The following SDHC variants were observed in gnomAD, a reference collection of about 807,000 sequenced individuals.
SDHC encodes succinate dehydrogenase cytochrome b560 subunit, mitochondrial.
SDHC carries 11 observed loss-of-function variants against 22.6 expected under a neutral mutation model. The observed-to-expected ratio is 0.49, with a 90% CI of 0.31 to 0.81. The LOEUF is 0.81. Among genes scored for constraint, SDHC ranks in the 30% least tolerant of loss-of-function variants. The pLI, the probability that SDHC is intolerant of heterozygous loss-of-function variation, is 0.05. For synonymous variants in SDHC, 80 were observed against 77.8 expected (o/e 1.03, Z -0.15); for missense variants, 160 against 212.0 (o/e 0.75, Z 1.52).
rs566109773 is a variant in SDHC, at chr1:161,325,367, A to G, written c.77+1697A>G. The stretch of plus-strand genomic sequence containing the variant: ...AATAAATAAATAAATAAATAAATAA[A>G]TAAGAAACAGCTATCCTCAACAATT... On this transcript the variant is annotated intron_variant, in intron 2 of 5. Transcript: ENST00000367975. Among the ~76,000 whole-genome samples, 41 of 136,706 alleles carry G rather than the reference A, an allele frequency of 3.0e-4. No homozygotes were observed. In the South Asian group the frequency reaches 4.0e-3, roughly 13 times the overall value. The allele number at this position is 136,706 out of a possible 152,430, so 89.7% of individuals were successfully genotyped here.
chr1:161,343,061 G>A lies in SDHC; in HGVS notation c.241+2406G>A, dbSNP rs370931660. Among the ~76,000 whole-genome samples the A allele has an allele frequency of 2.0e-5, 3 of 152,306 alleles. No individual in the cohort carries two copies. In the East Asian group the frequency reaches 5.8e-4, roughly 29 times the overall value. On this transcript the variant is annotated intron_variant, in intron 4 of 5. Transcript: ENST00000367975. ...CAGATGGCAACCTTCAGGTCCTATCGTGTAAGTGTGCTCTTGCTCCAGAAA... is the reference window on the plus strand; with the variant it reads ...CAGATGGCAACCTTCAGGTCCTATCATGTAAGTGTGCTCTTGCTCCAGAAA...
chr1:161,328,996 C>T (rs1323759473), intron 3 of SDHC, among the ~76,000 whole-genome samples: 1 of 152,018 alleles, frequency 6.6e-6, no homozygotes, highest in Non-Finnish European at 1.5e-5. Context: ...CATCCTCTGC[C>T]TCCCGGGTTC....
At position 161,335,472 on chromosome 1, in the gene SDHC, ATATAT is replaced by A. The variant is rs551442088; in HGVS notation, c.180-5117_180-5113del. 8.3e-4 allele frequency among the ~76,000 whole-genome samples: 126 copies of A among 152,256 alleles called. 1 individual carries two copies. The highest frequency in any genetic ancestry group is 3.0e-3 in the African/African-American group (123 of 41,546). On this transcript the variant is annotated intron_variant, in intron 3 of 5. Coordinates refer to ENST00000367975, the MANE Select transcript of SDHC (RefSeq NM_003001.5). ...TGCCAAATGTAATGTTGCTAATTTT[ATATAT>A]TATAATAATATTTTCTAGATTTGTT...
chr1:161,333,485 A>G (rs963169401), intron 3 of SDHC, among the ~76,000 whole-genome samples: 2 of 150,510 alleles, frequency 1.3e-5, no homozygotes, highest in Admixed American at 6.7e-5. Context: ...GCTCATTGCA[A>G]CCTTCACCTC....
chr1:161,320,911 C>G (rs553483439), intron 1 of SDHC, among the ~76,000 whole-genome samples: 5 of 148,928 alleles, frequency 3.4e-5, no homozygotes, highest in African/African-American at 1.2e-4. Flanking sequence ...ACTGCAACCT[C>G]TGCCTCGCGG....
intron 4 of SDHC, among the ~76,000 whole-genome samples, chr1:161,344,624 C>A (rs1671832727): frequency 6.6e-6 from 1 of 152,046 alleles, no homozygotes; most frequent in Non-Finnish European, 1.5e-5. Context: ...ACAGCATTTT[C>A]TTCAAATGTT....
intron 3 of SDHC, among the ~76,000 whole-genome samples, chr1:161,333,479 A>G (rs1444306328): frequency 6.8e-6 from 1 of 147,156 alleles, no homozygotes; most frequent in Non-Finnish European, 1.5e-5. Context: ...GTCTCAGCTC[A>G]TTGCAACCTT....
chr1:161,318,718 G>A (rs1435467331), intron 1 of SDHC, among the ~76,000 whole-genome samples: 53 of 151,188 alleles, frequency 3.5e-4, no homozygotes, highest in Admixed American at 3.5e-3. Context: ...CTTTTTCTTT[G>A]TGTCAGACAT....
At chr1:161,354,172 G>A (rs1362041194) in intron 4 of SDHC, among the ~76,000 whole-genome samples, 10 of 152,052 alleles carry the variant, frequency 6.6e-5, no homozygotes, top group Non-Finnish European at 4.4e-5. Flanking sequence ...CTTACTAATA[G>A]GATGTATATG....
intron 4 of SDHC, among the ~76,000 whole-genome samples, chr1:161,346,624 C>T (rs1040560254): frequency 4.6e-5 from 7 of 152,048 alleles, no homozygotes; most frequent in East Asian, 3.9e-4. Flanking sequence ...TCTCGAACTC[C>T]GGACCTCAGG....
At chr1:161,319,357 A>G (rs1244076853) in intron 1 of SDHC, among the ~76,000 whole-genome samples, 1 of 152,170 alleles carries the variant, frequency 6.6e-6, no homozygotes. Context: ...ATATTGATAG[A>G]TATGAACAAG....
chr1:161,358,702 G>A (rs944272254), intron 5 of SDHC, among the ~76,000 whole-genome samples: 38 of 152,076 alleles, frequency 2.5e-4, no homozygotes, highest in African/African-American at 7.7e-4. Flanking sequence ...CGAGGCGGGC[G>A]GATAATCTGA....
intron 3 of SDHC, among the ~76,000 whole-genome samples, chr1:161,328,904 C>T (rs568446682): frequency 6.6e-6 from 1 of 152,124 alleles, no homozygotes; most frequent in South Asian, 2.1e-4. Context: ...TGCAACTTTG[C>T]AAATTCTTCT....
chr1:161,318,657 A>T (rs1027104842), intron 1 of SDHC, among the ~76,000 whole-genome samples: 1 of 152,232 alleles, frequency 6.6e-6, no homozygotes, highest in Non-Finnish European at 1.5e-5. Context: ...TTTTAAAATA[A>T]GCATATTCAT....
At chr1:161,359,871 G>A (rs114968701) in intron 5 of SDHC, among the ~76,000 whole-genome samples, 2,999 of 152,016 alleles carry the variant, frequency 0.02, 79 homozygotes, top group African/African-American at 0.065. Flanking sequence ...GGCATTCTAG[G>A]GAATATCCCT....
At chr1:161,339,603 C>G in intron 3 of SDHC, 2 of 1,180,918 alleles carry the variant, frequency 1.7e-6, no homozygotes, top group Non-Finnish European at 2.2e-6. Context: ...GGATCCTTCT[C>G]CATAAATCAG....
chr1:161,325,341 CAAT>C (rs1558165589), intron 2 of SDHC, among the ~76,000 whole-genome samples: 1 of 150,078 alleles, frequency 6.7e-6, no homozygotes, highest in Non-Finnish European at 1.5e-5. Flanking sequence ...TACCCTGTCT[CAAT>C]AAATAAATAA....
At chr1:161,334,954 G>T (rs538727852) in intron 3 of SDHC, among the ~76,000 whole-genome samples, 1 of 152,234 alleles carries the variant, frequency 6.6e-6, no homozygotes, top group South Asian at 2.1e-4. Context: ...CTAAACCGTA[G>T]GTCCCATTCA....
chr1:161,317,450 T>C (rs938318335), intron 1 of SDHC, among the ~76,000 whole-genome samples: 11 of 152,002 alleles, frequency 7.2e-5, no homozygotes, highest in African/African-American at 2.7e-4. Flanking sequence ...TGTGGAGCTA[T>C]TGACATATGC....
Sources: gnomAD v4.1 joint callset for allele counts (sites outside exome capture counted in the v4.1 genomes callset) on GRCh38, gnomAD v4.1.1 for gene constraint, MANE v1.5 for transcripts, NCBI Gene and HGNC (gene_info 2026-07-23, HGNC 2026-07-21) for gene names.